The following LAMA2 variants were observed in gnomAD, a reference collection of about 807,000 sequenced individuals.
LAMA2 encodes laminin subunit alpha 2.
In LAMA2, 269 loss-of-function variants were observed where a neutral mutation model predicts 364.8. The ratio of observed to expected loss-of-function variants is 0.74; its 90% CI spans 0.67 to 0.82. The LOEUF is 0.82. Ranked by LOEUF, LAMA2 falls within the 40% of genes least tolerant of loss-of-function variation. The probability of loss-of-function intolerance (pLI) is 0.00; values close to 1 mark genes in which losing one functional copy is unlikely to be tolerated. For synonymous variants in LAMA2, 1,379 were observed against 1,370.6 expected (o/e 1.01, Z -0.14); for missense variants, 3,807 against 3,873.2 (o/e 0.98, Z 0.45).
chr6:129,331,460 G>A (rs1169839534), intron 29 of LAMA2, among the ~76,000 whole-genome samples: 1 of 151,976 alleles, frequency 6.6e-6, no homozygotes, highest in East Asian at 1.9e-4. Context: ...CAGAAGAGAG[G>A]TAACAAGCTC....
chr6:129,416,088 A>G (rs1367976831), intron 40 of LAMA2, among the ~76,000 whole-genome samples: 1 of 93,098 alleles, frequency 1.1e-5, no homozygotes, highest in Non-Finnish European at 2.1e-5. Flanking sequence ...AGCTGGGACT[A>G]CAGGCGCCCG....
rs121913570 is a variant in LAMA2, at chr6:129,481,381, T to C, written c.7691T>C (p.Leu2564Pro). The part of the protein sequence containing the change: ...FSTKNESGII[L>P]LGSGGTPAPP... ...ACCAAGAATGAGTCCGGCATCATTC[T>C]TTTGGGAAGTGGAGGGACACCAGCA... Residue 2564 changes from leucine (L) to proline (P), a missense_variant, in exon 55 of 65, where the codon CTT (leucine) becomes CCT (proline). This residue lies in a region of LAMA2 where 3,333 missense variants were observed against 3,345.7 expected (regional missense o/e 1.00). Coordinates refer to ENST00000421865, the MANE Select transcript of LAMA2 (RefSeq NM_000426.4). 10 of 1,613,856 alleles carry C rather than the reference T, an allele frequency of 6.2e-6. No homozygotes were observed. The highest frequency in any genetic ancestry group is 8.5e-6 in the Non-Finnish European group (10 of 1,179,906).
chr6:129,078,823 A>G (rs1773833306), intron 3 of LAMA2, among the ~76,000 whole-genome samples: 1 of 152,118 alleles, frequency 6.6e-6, no homozygotes, highest in African/African-American at 2.4e-5. Context: ...TCCCTGGCAA[A>G]CACTATTCTA....
chr6:128,904,635 T>G (rs1243281863), intron 1 of LAMA2, among the ~76,000 whole-genome samples: 1 of 151,898 alleles, frequency 6.6e-6, no homozygotes, highest in Non-Finnish European at 1.5e-5. Context: ...ATTCTTGTAT[T>G]TTTAGTAGGG....
Position 129,445,738 on chromosome 6 carries a change from A to G in LAMA2, c.6346A>G (p.Ile2116Val), listed in dbSNP as rs1378326053. Residue 2116 changes from isoleucine (I) to valine (V), a missense_variant, in exon 45 of 65, where the codon ATC becomes GTC. This residue lies in a region of LAMA2 where 3,333 missense variants were observed against 3,345.7 expected (regional missense o/e 1.00). Coordinates refer to ENST00000421865, the MANE Select transcript of LAMA2 (RefSeq NM_000426.4). ...CCGGCTAATAGATAAACTCAAACCCATCAAGGAACTTGAGGATAACCTAAA... is the reference window on the plus strand; with the variant it reads ...CCGGCTAATAGATAAACTCAAACCCGTCAAGGAACTTGAGGATAACCTAAA... Reference protein sequence around the residue: ...ADRLIDKLKPIKELEDNLKKN... With the variant: ...ADRLIDKLKPVKELEDNLKKN... 1 of 1,613,546 alleles carries G rather than the reference A, an allele frequency of 6.2e-7. No individual in the cohort carries two copies. The highest frequency in any genetic ancestry group is 2.2e-5 in the East Asian group (1 of 44,840).
At chr6:129,257,103 T>C (rs145483370) in intron 14 of LAMA2, among the ~76,000 whole-genome samples, 5 of 152,138 alleles carry the variant, frequency 3.3e-5, no homozygotes, top group African/African-American at 7.2e-5. Context: ...TAGTTGACAA[T>C]TCTTTGATAG....
At chr6:129,167,883 GT>G (rs1779864780) in intron 9 of LAMA2, among the ~76,000 whole-genome samples, 1 of 150,394 alleles carries the variant, frequency 6.6e-6, no homozygotes, top group African/African-American at 2.5e-5. Flanking sequence ...GTATCTCATT[GT>G]GGTTTTGATT....
intron 6 of LAMA2, 22 bp from the exon 7 acceptor site, chr6:129,148,957 C>T (rs1778639889): frequency 6.5e-7 from 1 of 1,532,774 alleles, no homozygotes; most frequent in Non-Finnish European, 9.0e-7. Flanking sequence ...AAAATTTGTG[C>T]TTCCTCCCTC....
chr6:129,185,939 G>A (rs1781202573), intron 10 of LAMA2, among the ~76,000 whole-genome samples: 1 of 151,766 alleles, frequency 6.6e-6, no homozygotes, highest in Admixed American at 6.6e-5. Context: ...AATTTCTAGA[G>A]TGGAAGTCTG....
At chr6:129,393,611 A>T (rs1356075362) in intron 37 of LAMA2, among the ~76,000 whole-genome samples, 1 of 152,212 alleles carries the variant, frequency 6.6e-6, no homozygotes, top group East Asian at 1.9e-4. Context: ...CAAGTCAATT[A>T]ATCTGTAAGC....
At chr6:129,163,942 C>T (rs191397557) in intron 8 of LAMA2, among the ~76,000 whole-genome samples, 3 of 152,174 alleles carry the variant, frequency 2.0e-5, no homozygotes, top group Admixed American at 1.3e-4. Context: ...TTTATATTCT[C>T]GGACATATTT....
At chr6:129,467,490 G>A (rs557563306) in intron 51 of LAMA2, among the ~76,000 whole-genome samples, 1 of 151,932 alleles carries the variant, frequency 6.6e-6, no homozygotes, top group East Asian at 1.9e-4. Flanking sequence ...ACCTTCATAT[G>A]CACCACCTGG....
chr6:128,955,712 A>C (rs1175479421), intron 1 of LAMA2, among the ~76,000 whole-genome samples: 1 of 151,986 alleles, frequency 6.6e-6, no homozygotes, highest in Non-Finnish European at 1.5e-5. Flanking sequence ...TCAATACATC[A>C]CATTTATCTC....
At chr6:128,951,209 G>A (rs553437114) in intron 1 of LAMA2, among the ~76,000 whole-genome samples, 68 of 152,192 alleles carry the variant, frequency 4.5e-4, no homozygotes, top group Admixed American at 8.5e-4. Context: ...CTAGCCGTTT[G>A]ACCTTGTACA....
intron 4 of LAMA2, among the ~76,000 whole-genome samples, chr6:129,098,859 T>C (rs1456814976): frequency 6.6e-6 from 1 of 152,166 alleles, no homozygotes; most frequent in Non-Finnish European, 1.5e-5. Flanking sequence ...TCTTTTGATG[T>C]TTTTCTGCTG....
At chr6:129,080,808 GT>G (rs1774000733) in intron 3 of LAMA2, among the ~76,000 whole-genome samples, 2 of 152,212 alleles carry the variant, frequency 1.3e-5, no homozygotes, top group South Asian at 4.1e-4. Context: ...CTGTAAACTA[GT>G]TAAACCATTG....
intron 1 of LAMA2, among the ~76,000 whole-genome samples, chr6:128,934,868 G>A (rs1324835009): frequency 2.0e-5 from 3 of 152,142 alleles, no homozygotes; most frequent in East Asian, 1.9e-4. Flanking sequence ...CATTGACTCT[G>A]TAGATCATTT....
At chr6:128,989,585 A>C (rs1428743740) in intron 1 of LAMA2, among the ~76,000 whole-genome samples, 1 of 152,214 alleles carries the variant, frequency 6.6e-6, no homozygotes, top group Non-Finnish European at 1.5e-5. Context: ...TAAGGATTTG[A>C]GATAAAGCAT....
chr6:129,102,528 A>C (rs2114882213), intron 4 of LAMA2, among the ~76,000 whole-genome samples: 1 of 152,144 alleles, frequency 6.6e-6, no homozygotes, highest in Admixed American at 6.5e-5. Flanking sequence ...TTATTCTAAA[A>C]TTTTCAATAT....
Sources: allele counts gnomAD v4.1 joint callset (sites outside exome capture counted in the v4.1 genomes callset), GRCh38; gene constraint gnomAD v4.1.1; regional missense constraint gnomAD v4.1.1; transcripts MANE v1.5; gene names NCBI Gene and HGNC (gene_info 2026-07-23, HGNC 2026-07-21).